CEP83: variants seen among roughly 807,000 people sequenced by gnomAD.
CEP83 encodes the protein centrosomal protein 83.
In CEP83, 70 loss-of-function variants were observed where a neutral mutation model predicts 101.9. That is an observed-to-expected ratio of 0.69 (90% CI 0.57 to 0.84). The LOEUF (loss-of-function observed/expected upper bound fraction) is 0.84. CEP83 is among the 40% of genes least tolerant of loss of function. The probability of loss-of-function intolerance (pLI) is 0.00; values close to 1 mark genes in which losing one functional copy is unlikely to be tolerated. For synonymous variants in CEP83, 264 were observed against 267.9 expected, an observed-to-expected ratio of 0.99 and a Z score of 0.14; for missense variants, 715 against 787.2, an observed-to-expected ratio of 0.91 and a Z score of 1.10.
chr12:94,370,276 T>C (rs1351135393), intron 8 of CEP83, among the ~76,000 whole-genome samples: 2 of 152,230 alleles, frequency 1.3e-5, no homozygotes, highest in East Asian at 3.8e-4. Flanking sequence ...TATGGTCCTT[T>C]GGCTTAATCT....
At chr12:94,416,370 G>A (rs954119919) in intron 2 of CEP83, among the ~76,000 whole-genome samples, 13 of 152,012 alleles carry the variant, frequency 8.6e-5, no homozygotes, top group Non-Finnish European at 1.8e-4. Flanking sequence ...TTATTTCCCT[G>A]GGTTTTCTTT....
intron 2 of CEP83, among the ~76,000 whole-genome samples, chr12:94,412,977 C>G (rs1339442961): frequency 6.6e-6 from 1 of 152,008 alleles, no homozygotes; most frequent in South Asian, 2.1e-4. Context: ...CTCAGCCTCC[C>G]GAGTAGCTGG....
At chr12:94,409,598 A>T (rs1466055661) in intron 4 of CEP83, among the ~76,000 whole-genome samples, 1 of 152,210 alleles carries the variant, frequency 6.6e-6, no homozygotes, top group Non-Finnish European at 1.5e-5. Context: ...TCTGCTTTGG[A>T]CAGTGTATTC....
At chr12:94,370,740 C>G (rs1234029264) in intron 8 of CEP83, among the ~76,000 whole-genome samples, 1 of 152,144 alleles carries the variant, frequency 6.6e-6, no homozygotes, top group Non-Finnish European at 1.5e-5. Flanking sequence ...AAAATCCCAG[C>G]TACTCAAGAG....
intron 2 of CEP83, among the ~76,000 whole-genome samples, chr12:94,431,484 ACAAT>A (rs1351621694): frequency 1.2e-4 from 18 of 152,282 alleles, no homozygotes; most frequent in South Asian, 6.2e-4. Context: ...AGCAAAGGAA[ACAAT>A]CAACAGAGTG....
chr12:94,266,458 G>A, the CEP83 span, among the ~76,000 whole-genome samples: 1 of 152,192 alleles, frequency 6.6e-6, no homozygotes, highest in East Asian at 1.9e-4. Flanking sequence ...TAGCAGAATC[G>A]CCCAGAAAGC....
At chr12:94,387,057 T>C (rs1028341065) in intron 6 of CEP83, among the ~76,000 whole-genome samples, 1 of 152,218 alleles carries the variant, frequency 6.6e-6, no homozygotes, top group African/African-American at 2.4e-5. Flanking sequence ...GCTAGCCATA[T>C]GCAAAGGAAT....
At chr12:94,444,448 G>A (rs1466459161) in intron 1 of CEP83, among the ~76,000 whole-genome samples, 1 of 152,090 alleles carries the variant, frequency 6.6e-6, no homozygotes, top group African/African-American at 2.4e-5. Context: ...AAATTCTGGA[G>A]GACAGTCTAC....
At chr12:94,332,519 A>G (rs187716566) in intron 13 of CEP83, among the ~76,000 whole-genome samples, 1 of 152,306 alleles carries the variant, frequency 6.6e-6, no homozygotes, top group East Asian at 1.9e-4. Context: ...ATTTTCTTCT[A>G]TGAAATTCTA....
intron 1 of CEP83, among the ~76,000 whole-genome samples, chr12:94,439,706 C>A (rs2066256767): frequency 6.6e-6 from 1 of 152,030 alleles, no homozygotes; most frequent in Admixed American, 6.6e-5. Context: ...CCAGTATTAT[C>A]CTAATAGCAA....
downstream of CEP83, chr12:94,307,477 A>G (rs543063135): frequency 3.3e-5 from 5 of 152,322 alleles, no homozygotes; most frequent in East Asian, 7.7e-4. Flanking sequence ...GTTTCTTTGC[A>G]TATTTTTTTG....
chr12:94,310,001 G>T lies in CEP83; in HGVS notation c.1918C>A (p.Pro640Thr). 2 of 1,612,900 alleles carry T rather than the reference G, an allele frequency of 1.2e-6. No individual in the cohort carries two copies. The highest frequency in any genetic ancestry group is 1.7e-4 in the Middle Eastern group (1 of 6,038). The change falls in exon 16 of 17, where the codon CCA becomes ACA. Residue 640 changes from proline to threonine, a missense_variant. Transcript: ENST00000397809. ...RSLILVPNMP[P>T]TASINPVSFQ... ...CTAACAGGATTGATAGATGCTGTTG[G>T]AGGCATGTTAGGAACCAAAATTAGA...
At chr12:94,328,286 C>G (rs2059058957) in intron 14 of CEP83, 1 of 355,892 alleles carries the variant, frequency 2.8e-6, no homozygotes, top group African/African-American at 2.2e-5. Flanking sequence ...AGAAGGGCAT[C>G]CCAACTCAAG....
chr12:94,350,766 AAAACT>A (rs1248247813), intron 11 of CEP83, among the ~76,000 whole-genome samples: 1 of 152,216 alleles, frequency 6.6e-6, no homozygotes, highest in East Asian at 1.9e-4. Flanking sequence ...TATACAGAGA[AAAACT>A]AAACAAGAAT....
chr12:94,402,169 G>A (rs1055853831), intron 5 of CEP83: 1 of 152,130 alleles, frequency 6.6e-6, no homozygotes, highest in Non-Finnish European at 1.5e-5. Flanking sequence ...TCAACCTGAA[G>A]TAAAACTGTA....
chr12:94,397,535 T>C (rs1392062770), intron 6 of CEP83, among the ~76,000 whole-genome samples: 1 of 152,058 alleles, frequency 6.6e-6, no homozygotes, highest in Non-Finnish European at 1.5e-5. Context: ...TTAATGACTA[T>C]ACCAACCCCT....
intron 5 of CEP83, 43 bp downstream of exon 5, chr12:94,403,127 T>A (rs749161072): frequency 6.1e-6 from 6 of 990,236 alleles, no homozygotes; most frequent in Non-Finnish European, 8.0e-6. Flanking sequence ...AAGACTTTGA[T>A]CCCATGAGGA....
chr12:94,400,276 C>T (rs1038440133), intron 6 of CEP83, among the ~76,000 whole-genome samples: 3 of 152,020 alleles, frequency 2.0e-5, no homozygotes, highest in African/African-American at 7.2e-5. Flanking sequence ...AACTAGGAGA[C>T]AAACCACAAA....
intron 11 of CEP83, among the ~76,000 whole-genome samples, chr12:94,355,170 C>T (rs2060394695): frequency 1.3e-5 from 2 of 152,014 alleles, no homozygotes; most frequent in Admixed American, 1.3e-4. Context: ...TTCAAATCAA[C>T]AACATAATCA....
Sources: gnomAD v4.1 joint callset for allele counts (sites outside exome capture counted in the v4.1 genomes callset) on GRCh38, gnomAD v4.1.1 for gene constraint, MANE v1.5 for transcripts, NCBI Gene and HGNC (gene_info 2026-07-23, HGNC 2026-07-21) for gene names.